Variants in CFAP74 observed in about 807,000 individuals in gnomAD.
CFAP74 encodes cilia and flagella associated protein 74.
A neutral mutation model predicts 188.9 loss-of-function variants in CFAP74; 124 were observed. The ratio of observed to expected loss-of-function variants is 0.66; its 90% confidence interval spans 0.57 to 0.76. The LOEUF (loss-of-function observed/expected upper bound fraction) is 0.76. Among genes scored for constraint, CFAP74 ranks in the 30% least tolerant of loss-of-function variants. The probability of loss-of-function intolerance (pLI) is 0.00; values close to 1 mark genes in which losing one functional copy is unlikely to be tolerated. For synonymous variants in CFAP74, 956 were observed against 916.7 expected, an observed-to-expected ratio of 1.04 and a Z score of -0.77; for missense variants, 2,198 against 2,165.2, an observed-to-expected ratio of 1.02 and a Z score of -0.30.
At chr1:1,978,075 G>A (rs761522590) in intron 6 of CFAP74, among the ~76,000 whole-genome samples, 6 of 152,178 alleles carry the variant, frequency 3.9e-5, no homozygotes, top group African/African-American at 9.7e-5. Context: ...CTCAAACTCC[G>A]GGGCTCAAGC....
intron 18 of CFAP74, chr1:1,955,317 G>T: frequency 7.7e-7 from 1 of 1,304,652 alleles, no homozygotes; most frequent in Non-Finnish European, 1.0e-6. Context: ...ACCTCTCCCC[G>T]CTGGTGCGCG....
At chr1:2,001,622 G>A (rs71630957) in intron 1 of CFAP74, among the ~76,000 whole-genome samples, 13 of 152,246 alleles carry the variant, frequency 8.5e-5, no homozygotes, top group African/African-American at 1.2e-4. Flanking sequence ...CACTGCACCC[G>A]GCCAAAATGC....
intron 1 of CFAP74, among the ~76,000 whole-genome samples, chr1:1,994,903 G>C (rs1201853049): frequency 6.6e-6 from 1 of 152,214 alleles, no homozygotes; most frequent in Non-Finnish European, 1.5e-5. Context: ...CAGGAGCAAA[G>C]AGAAGCGGGA....
intron 26 of CFAP74, among the ~76,000 whole-genome samples, chr1:1,929,849 C>T (rs1235621102): frequency 6.6e-6 from 1 of 152,090 alleles, no homozygotes; most frequent in Admixed American, 6.5e-5. Context: ...CACTGTGACC[C>T]CCCCCGATGG....
rs905370282 is a variant in CFAP74, at chr1:1,970,937, AC to A, written c.889-122del. ...CACACGTGCACACACGTGCACACACACATGCACACCTGCACATGCACACATC... is the reference window on the plus strand; with the variant it reads ...CACACGTGCACACACGTGCACACACAATGCACACCTGCACATGCACACATC... On this transcript the variant is annotated intron_variant, in intron 9 of 38. Coordinates refer to ENST00000682832, the MANE Select transcript of CFAP74 (RefSeq NM_001304360.2). The A allele has an allele frequency of 9.1e-6, 11 of 1,206,216 alleles. No individual in the cohort carries two copies. In the Admixed American group the frequency reaches 1.5e-4, roughly 17 times the overall value. 74.7% of individuals were successfully genotyped at this position (1,206,216 alleles called of 1,614,324 possible).
chr1:1,955,231 G>A (rs372176877), intron 18 of CFAP74: 1 of 1,290,092 alleles, frequency 7.8e-7, no homozygotes, highest in African/African-American at 1.5e-5. Flanking sequence ...GCAAGGAGGA[G>A]ACGCAAGCGA....
At chr1:1,935,826 A>G (rs1054514818) in intron 25 of CFAP74, among the ~76,000 whole-genome samples, 2 of 151,536 alleles carry the variant, frequency 1.3e-5, no homozygotes, top group East Asian at 3.9e-4. Context: ...AGAGCAGAGG[A>G]CGCAGAGCTA....
At chr1:1,945,082 G>A (rs1247735699) in intron 20 of CFAP74, among the ~76,000 whole-genome samples, 1 of 152,130 alleles carries the variant, frequency 6.6e-6, no homozygotes, top group African/African-American at 2.4e-5. Context: ...CCAGGTGGGA[G>A]GATGCTTGAG....
chr1:1,998,941 T>C (rs1658064349), intron 1 of CFAP74, among the ~76,000 whole-genome samples: 2 of 152,122 alleles, frequency 1.3e-5, no homozygotes, highest in Non-Finnish European at 2.9e-5. Context: ...ATAGCTCATG[T>C]TCAAGCACTA....
intron 1 of CFAP74, among the ~76,000 whole-genome samples, chr1:2,001,955 A>T (rs1165700038): frequency 6.6e-5 from 10 of 152,228 alleles, no homozygotes; most frequent in African/African-American, 2.4e-4. Flanking sequence ...AGGGGAATAA[A>T]GAGGTATGTG....
chr1:1,968,685 T>C lies in CFAP74; in HGVS notation c.1195A>G (p.Ile399Val), dbSNP rs749799017. The C allele has an allele frequency of 8.7e-6, 14 of 1,613,888 alleles. No homozygotes were observed. The highest frequency in any genetic ancestry group is 1.7e-5 in the Admixed American group (1 of 59,986). ...GTGGTCTTCTTGCAAAAGTCAGAAA[T>C]GTAGTTCCAGGTCTTGTCCCTCAGG... ...LTLRDKTWNY[I>V]SDFCKKTTVP... The change falls in exon 11 of 39, where the codon ATT becomes GTT. Residue 399 changes from isoleucine (I) to valine (V), a missense_variant. By Grantham distance (29) the Ile-to-Val change is conservative. Coordinates refer to ENST00000682832, the MANE Select transcript of CFAP74 (RefSeq NM_001304360.2). The surrounding 1 kb of genome is among the most constrained non-coding windows in gnomAD (Gnocchi z 4.3).
intron 18 of CFAP74, among the ~76,000 whole-genome samples, chr1:1,952,590 A>AAAAGAAAGAAAG (rs58267869): frequency 1.0e-3 from 149 of 148,674 alleles, no homozygotes; most frequent in Middle Eastern, 3.4e-3. Context: ...GAAGCAAAGA[A>AAAAGAAAGAAAG]AAAGAAAGAA....
chr1:1,977,436 C>T (rs996431600), intron 6 of CFAP74, among the ~76,000 whole-genome samples: 22 of 152,290 alleles, frequency 1.4e-4, no homozygotes, highest in Middle Eastern at 3.4e-3. Flanking sequence ...CTGGGGGCCC[C>T]GTAACACCTC....
At chr1:1,986,045 C>T (rs1657215169) in intron 5 of CFAP74, among the ~76,000 whole-genome samples, 1 of 152,204 alleles carries the variant, frequency 6.6e-6, no homozygotes, top group Non-Finnish European at 1.5e-5. Context: ...GTATGGCAGT[C>T]ACCCCTAGAT....
intron 22 of CFAP74, 122 bp from the exon 23 acceptor site, chr1:1,940,525 G>T (rs985001805): frequency 1.4e-6 from 1 of 691,418 alleles, no homozygotes; most frequent in Non-Finnish European, 2.3e-6. Context: ...GAACATCAGC[G>T]CTGGGAGACG....
intron 14 of CFAP74, 181 bp from the exon 15 acceptor site, chr1:1,960,211 G>C: frequency 1.7e-6 from 1 of 599,956 alleles, no homozygotes; most frequent in Non-Finnish European, 2.9e-6. Flanking sequence ...GCTGCCGCCA[G>C]TACCTGGCAG....
chr1:1,994,417 G>A (rs755404889), intron 1 of CFAP74, among the ~76,000 whole-genome samples: 3 of 152,136 alleles, frequency 2.0e-5, no homozygotes, highest in South Asian at 4.1e-4. Context: ...GCCTAGCAAT[G>A]TTTCTTGGAT....
At chr1:1,930,472 G>A (rs1570829797) in intron 25 of CFAP74, 136 bp from the exon 26 acceptor site, 1 of 822,884 alleles carries the variant, frequency 1.2e-6, no homozygotes, top group Non-Finnish European at 1.8e-6. Context: ...CTGCCCAGGG[G>A]GTCACTGCGC....
intron 2 of CFAP74, among the ~76,000 whole-genome samples, chr1:1,990,273 C>T (rs901849434): frequency 1.3e-4 from 19 of 151,642 alleles, no homozygotes; most frequent in Admixed American, 5.9e-4. Flanking sequence ...AGCGGACTTC[C>T]GGCAAAACAC....
Sources: allele counts gnomAD v4.1 joint callset (sites outside exome capture counted in the v4.1 genomes callset), GRCh38; gene constraint gnomAD v4.1.1; non-coding constraint Gnocchi (gnomAD v3.1); transcripts MANE v1.5; gene names NCBI Gene and HGNC (gene_info 2026-07-23, HGNC 2026-07-21).